Variants in FRAS1 observed in about 807,000 individuals in gnomAD.
FRAS1 encodes extracellular matrix organizing protein FRAS1.
A neutral mutation model predicts 435.2 loss-of-function variants in FRAS1; 290 were observed. That is an observed-to-expected ratio of 0.67 (90% confidence interval 0.61 to 0.73). The LOEUF (loss-of-function observed/expected upper bound fraction) is 0.73. Among genes scored for constraint, FRAS1 ranks in the 30% least tolerant of loss-of-function variants. FRAS1 has a pLI of 0.00. For synonymous variants in FRAS1, 1,800 were observed against 1,851.0 expected (o/e 0.97, Z 0.71); for missense variants, 4,860 against 5,001.5 (o/e 0.97, Z 0.85).
chr4:78,411,131 GAC>G (rs1733319528), intron 31 of FRAS1, among the ~76,000 whole-genome samples: 1 of 135,226 alleles, frequency 7.4e-6, no homozygotes, highest in African/African-American at 2.8e-5. Flanking sequence ...TTTTTTCTGA[GAC>G]AGAGTTTCAC....
chr4:78,126,077 A>C (rs112399374), intron 2 of FRAS1, among the ~76,000 whole-genome samples: 1 of 152,094 alleles, frequency 6.6e-6, no homozygotes, highest in East Asian at 1.9e-4. Flanking sequence ...CACTGTGAGC[A>C]TAGAACTGCC....
intron 66 of FRAS1, among the ~76,000 whole-genome samples, chr4:78,518,960 C>A (rs1363592074): frequency 1.3e-5 from 2 of 152,262 alleles, no homozygotes; most frequent in Non-Finnish European, 2.9e-5. Context: ...GGAGTTTGTA[C>A]TGAGTGGTAG....
intron 2 of FRAS1, among the ~76,000 whole-genome samples, chr4:78,090,847 G>A (rs1457495084): frequency 6.6e-6 from 1 of 152,080 alleles, no homozygotes; most frequent in African/African-American, 2.4e-5. Context: ...ATTTTCAAAT[G>A]TAAAACTTCT....
intron 20 of FRAS1, among the ~76,000 whole-genome samples, chr4:78,343,891 G>A (rs571503855): frequency 3.3e-5 from 5 of 152,162 alleles, no homozygotes; most frequent in East Asian, 1.9e-4. Context: ...TCTACTGTGC[G>A]GGGGAGGTGG....
chr4:78,114,335 A>C (rs1233187858), intron 2 of FRAS1, among the ~76,000 whole-genome samples: 1 of 152,048 alleles, frequency 6.6e-6, no homozygotes, highest in Non-Finnish European at 1.5e-5. Context: ...TTCCATATGA[A>C]CTTTAAAGTA....
chr4:78,271,674 A>G (rs1238147911), intron 9 of FRAS1, among the ~76,000 whole-genome samples: 3 of 152,154 alleles, frequency 2.0e-5, no homozygotes, highest in African/African-American at 7.2e-5. Context: ...ATAGTATTCC[A>G]TGGTGTATAT....
intron 14 of FRAS1, among the ~76,000 whole-genome samples, chr4:78,303,328 C>T (rs1188372966): frequency 6.6e-6 from 1 of 152,156 alleles, no homozygotes; most frequent in South Asian, 2.1e-4. Context: ...TGAGGATTGA[C>T]TTGGCGATGG....
intron 52 of FRAS1, 57 bp downstream of exon 52, chr4:78,472,387 C>T (rs549589305): frequency 2.8e-6 from 4 of 1,448,502 alleles, no homozygotes; most frequent in Non-Finnish European, 3.7e-6. Context: ...GTCACACTGC[C>T]TATCTCCCAG....
chr4:78,518,288 G>T (rs1239702896), intron 66 of FRAS1, among the ~76,000 whole-genome samples: 1 of 151,300 alleles, frequency 6.6e-6, no homozygotes, highest in East Asian at 1.9e-4. Flanking sequence ...AAAACATTTG[G>T]TTTTTTCCTT....
At position 78,459,181 on chromosome 4, in the gene FRAS1, T is replaced by G. The variant is rs149221722; in HGVS notation, c.6764-4840T>G. On this transcript the variant is annotated intron_variant, in intron 47 of 73. Coordinates refer to ENST00000512123, the MANE Select transcript of FRAS1 (RefSeq NM_025074.7). ...TCTTTTAAAAGGACCCCAATGAAAT[T>G]CTATTTACAGGCTGAGTTGTAATTA... 8.9e-3 allele frequency among the ~76,000 whole-genome samples: 1,361 copies of G among 152,318 alleles called. 7 individuals are homozygous for G. The highest frequency in any genetic ancestry group is 0.012 in the Non-Finnish European group (801 of 68,030).
At chr4:78,261,563 C>T (rs1466661938) in intron 6 of FRAS1, among the ~76,000 whole-genome samples, 1 of 152,162 alleles carries the variant, frequency 6.6e-6, no homozygotes, top group Non-Finnish European at 1.5e-5. Context: ...ATTTTCAGAT[C>T]TTTCCCTAAA....
intron 2 of FRAS1, among the ~76,000 whole-genome samples, chr4:78,188,600 T>C (rs1433303260): frequency 6.6e-6 from 1 of 152,212 alleles, no homozygotes; most frequent in Non-Finnish European, 1.5e-5. Context: ...CAACTGATTA[T>C]AGATGTTGAT....
At chr4:78,222,610 A>T (rs1211851789) in intron 2 of FRAS1, among the ~76,000 whole-genome samples, 1 of 152,160 alleles carries the variant, frequency 6.6e-6, no homozygotes, top group Non-Finnish European at 1.5e-5. Context: ...AGTAAAACAA[A>T]CAGTAGGTGG....
intron 2 of FRAS1, among the ~76,000 whole-genome samples, chr4:78,235,004 C>T (rs955225591): frequency 9.2e-5 from 14 of 152,172 alleles, no homozygotes; most frequent in Non-Finnish European, 2.1e-4. Context: ...TTGCGACTGG[C>T]AAGTTCAAAC....
chr4:78,259,653 A>G lies in FRAS1; in HGVS notation c.603+4278A>G, dbSNP rs1277546442. ...TTGCGAAAATTTTCTCCCATTTTGTAGGTTGCCTGTTCACTCTGATGGTAG... is the reference window on the plus strand; with the variant it reads ...TTGCGAAAATTTTCTCCCATTTTGTGGGTTGCCTGTTCACTCTGATGGTAG... On this transcript the variant is annotated intron_variant, in intron 6 of 73. Transcript: ENST00000512123. Among the ~76,000 whole-genome samples the G allele has an allele frequency of 4.7e-5, 7 of 148,148 alleles. No homozygotes were observed. In the East Asian group the frequency reaches 1.0e-3, roughly 21 times the overall value.
intron 70 of FRAS1, among the ~76,000 whole-genome samples, chr4:78,531,950 T>A (rs1380400075): frequency 6.6e-6 from 1 of 152,182 alleles, no homozygotes; most frequent in Non-Finnish European, 1.5e-5. Context: ...ATCCAATTAT[T>A]TTCACTGCCC....
Position 78,360,094 on chromosome 4 carries a change from C to T in FRAS1, c.2423-3419C>T, listed in dbSNP as rs76272291. 9.2e-4 allele frequency among the ~76,000 whole-genome samples: 140 copies of T among 152,230 alleles called. 3 individuals are homozygous for T. In the East Asian group the frequency reaches 0.021, roughly 23 times the overall value. ...AAAAAGTTAAAGGCTGTGAGGAACC[C>T]ATATATTTATAAGTCGGTTGGAGGC... On this transcript the variant is annotated intron_variant, in intron 20 of 73. Transcript: ENST00000512123.
At position 78,077,071 on chromosome 4, in the gene FRAS1, G is replaced by A. The variant is rs549492003; in HGVS notation, c.108+11055G>A. On this transcript the variant is annotated intron_variant, in intron 2 of 73. Transcript: ENST00000512123. ...CTGTATCTTTAAAACTATGAACTTG[G>A]CCTTGCATGGTGCCTCACACCTATA... Among the ~76,000 whole-genome samples, 10 of 152,256 alleles carry A rather than the reference G, an allele frequency of 6.6e-5. No individual in the cohort carries two copies. In the South Asian group the frequency reaches 2.1e-3, roughly 32 times the overall value.
chr4:78,294,410 T>C (rs1258413961), intron 14 of FRAS1, among the ~76,000 whole-genome samples: 2 of 152,154 alleles, frequency 1.3e-5, no homozygotes, highest in Non-Finnish European at 2.9e-5. Flanking sequence ...TTTTCAGTGG[T>C]CACAGAGGAT....
Sources: gnomAD v4.1 joint callset for allele counts (sites outside exome capture counted in the v4.1 genomes callset) on GRCh38, gnomAD v4.1.1 for gene constraint, MANE v1.5 for transcripts, NCBI Gene and HGNC (gene_info 2026-07-23, HGNC 2026-07-21) for gene names.